Variants in ZBTB17 observed in about 807,000 individuals in gnomAD.
ZBTB17 encodes zinc finger and BTB domain containing 17.
ZBTB17 carries 24 observed loss-of-function variants against 85.1 expected under a neutral mutation model. That is an observed-to-expected ratio of 0.28 (90% confidence interval 0.20 to 0.40). The LOEUF (loss-of-function observed/expected upper bound fraction) is 0.40, where lower values mean the gene tolerates loss of function less well. Among genes scored for constraint, ZBTB17 ranks in the 10% least tolerant of loss-of-function variants. The pLI, the probability that ZBTB17 is intolerant of heterozygous loss-of-function variation, is 1.00. For synonymous variants in ZBTB17, 464 were observed against 460.2 expected (o/e 1.01, Z -0.11); for missense variants, 743 against 1,105.1 (o/e 0.67, Z 4.65).
Position 15,966,722 on chromosome 1 carries a change from C to T in ZBTB17, c.-3+6317G>A, listed in dbSNP as rs530782053. 6.6e-6 allele frequency among the ~76,000 whole-genome samples: 1 copy of T among 152,120 alleles called. No individual in the cohort carries two copies. The highest frequency in any genetic ancestry group is 1.5e-5 in the Non-Finnish European group (1 of 68,030). ...GGATTCTCTGTGCTGGCATTCCACA[C>T]ACACGCAGCAAGGTTCAATGAGCCA... On this transcript the variant is annotated intron_variant, in intron 2 of 15. Coordinates refer to ENST00000375743, the MANE Select transcript of ZBTB17 (RefSeq NM_003443.3). The surrounding 1 kb of genome is among the most constrained non-coding windows in gnomAD (Gnocchi z 4.1).
At chr1:15,960,350 C>A (rs1369711668) in intron 2 of ZBTB17, among the ~76,000 whole-genome samples, 1 of 152,164 alleles carries the variant, frequency 6.6e-6, no homozygotes, top group Non-Finnish European at 1.5e-5. Context: ...ACATATAAAC[C>A]CAAGCCAGCA....
At chr1:15,947,531 G>T (rs1261131051) in intron 3 of ZBTB17, among the ~76,000 whole-genome samples, 2 of 151,994 alleles carry the variant, frequency 1.3e-5, no homozygotes, top group South Asian at 2.1e-4. Flanking sequence ...GAGGACGGGG[G>T]TATAAATGCC....
intron 2 of ZBTB17, among the ~76,000 whole-genome samples, chr1:15,967,479 G>T (rs1004472852): frequency 3.3e-5 from 5 of 151,582 alleles, no homozygotes; most frequent in African/African-American, 7.3e-5. Context: ...AGGAGTTTGG[G>T]ACCAGCCTGG....
At chr1:15,955,644 A>G (rs927954974) in intron 2 of ZBTB17, among the ~76,000 whole-genome samples, 9 of 152,178 alleles carry the variant, frequency 5.9e-5, no homozygotes, top group South Asian at 2.1e-4. Context: ...CAAACTATAC[A>G]ACTACCGCTA....
At chr1:15,968,141 A>G (rs2148811730) in intron 2 of ZBTB17, among the ~76,000 whole-genome samples, 1 of 152,354 alleles carries the variant, frequency 6.6e-6, no homozygotes, top group African/African-American at 2.4e-5. Flanking sequence ...ATACTGGAAC[A>G]AGACAAAAAG....
rs979245856 is a variant in ZBTB17 at position 15,964,081 on chromosome 1, C to T, written c.-3+8958G>A. Reference sequence around the variant, plus strand: ...GCTGCAGTAAGCTGCGATTGTGCCACGGCACTCCAGCCTGGACAACAGCGA... The same window carrying T: ...GCTGCAGTAAGCTGCGATTGTGCCATGGCACTCCAGCCTGGACAACAGCGA... On this transcript the variant is annotated intron_variant, in intron 2 of 15. Coordinates refer to ENST00000375743, the MANE Select transcript of ZBTB17 (RefSeq NM_003443.3). This position sits in a 1 kb window ranked among gnomAD's most constrained non-coding sequence, Gnocchi z 4.3. Among the ~76,000 whole-genome samples, 7 of 149,992 alleles carry T rather than the reference C, an allele frequency of 4.7e-5. No individual in the cohort carries two copies. The highest frequency in any genetic ancestry group is 1.9e-4 in the East Asian group (1 of 5,140).
rs1270338430 is a variant in ZBTB17 at position 15,948,497 on chromosome 1, G to C, written c.-2C>G. The C allele has an allele frequency of 6.2e-7, 1 of 1,612,852 alleles. No homozygotes were observed. The highest frequency in any genetic ancestry group is 1.1e-5 in the South Asian group (1 of 91,052). ...CTGGCTGTGCTGGGGAAAGTCCATG[G>C]CTGAAGAAAGCCAAAGGGCGTTGGG... On this transcript the variant is annotated splice_region_variant and 5_prime_UTR_variant, in exon 3 of 16. Coordinates refer to ENST00000375743, the MANE Select transcript of ZBTB17 (RefSeq NM_003443.3).
chr1:15,955,737 A>G (rs2072023020), intron 2 of ZBTB17, among the ~76,000 whole-genome samples: 1 of 152,194 alleles, frequency 6.6e-6, no homozygotes, highest in African/African-American at 2.4e-5. Flanking sequence ...ATCACTTTAA[A>G]GAGGCCAGAA....
chr1:15,969,633 T>C (rs1208182698), intron 2 of ZBTB17: 4 of 442,390 alleles, frequency 9.0e-6, no homozygotes, highest in Non-Finnish European at 1.4e-5. Flanking sequence ...AGGGAGATGA[T>C]AAATTGACCA....
chr1:15,944,287 G>A lies in ZBTB17; in HGVS notation c.1371+13C>T, dbSNP rs867956834. On this transcript the variant is annotated intron_variant, in intron 9 of 15. Transcript: ENST00000375743. ...CGGCTGCCAGGCGCTGGTTCCGGGAGGGGTCCGCACACCTGGTTGAACTTC... is the reference window on the plus strand; with the variant it reads ...CGGCTGCCAGGCGCTGGTTCCGGGAAGGGTCCGCACACCTGGTTGAACTTC... 1.9e-6 allele frequency: 3 copies of A among 1,550,354 alleles called. No individual in the cohort carries two copies. The highest frequency in any genetic ancestry group is 2.0e-5 in the Admixed American group (1 of 51,022).
chr1:15,956,123 G>T (rs1005819761), intron 2 of ZBTB17, among the ~76,000 whole-genome samples: 1 of 152,150 alleles, frequency 6.6e-6, no homozygotes, highest in African/African-American at 2.4e-5. Context: ...ACAAAATCAC[G>T]ACATCTGGGA....
At chr1:15,943,219 G>C in intron 12 of ZBTB17, 25 bp from the exon 13 acceptor site, 1 of 1,614,066 alleles carries the variant, frequency 6.2e-7, no homozygotes, top group Non-Finnish European at 8.5e-7. Context: ...GAAGGGACTC[G>C]CATGGAACTG....
At chr1:15,958,732 G>A (rs1037718256) in intron 2 of ZBTB17, among the ~76,000 whole-genome samples, 11 of 152,174 alleles carry the variant, frequency 7.2e-5, no homozygotes, top group African/African-American at 2.7e-4. Flanking sequence ...AGCCTGGGAC[G>A]ACGTGACCAC....
In ZBTB17 at chr1:15,945,914, C is replaced by T. The variant is rs9429277; in HGVS notation, c.536-74G>A. 0.064 allele frequency: 99,984 copies of T among 1,564,088 alleles called. 3,755 individuals are homozygous for T. The highest frequency in any genetic ancestry group is 0.14 in the South Asian group (12,076 of 85,954). On this transcript the variant is annotated intron_variant, in intron 5 of 15. Coordinates refer to ENST00000375743, the MANE Select transcript of ZBTB17 (RefSeq NM_003443.3). ...GTCGGATACCTCTCCTGGACCAGCG[C>T]GCTGGTGGTGGCTGCGTGTGACCCA...
At chr1:15,955,343 C>T (rs1208710450) in intron 2 of ZBTB17, among the ~76,000 whole-genome samples, 1 of 152,160 alleles carries the variant, frequency 6.6e-6, no homozygotes, top group African/African-American at 2.4e-5. Context: ...TGGCACTTTC[C>T]TCCTCACCCA....
Position 15,953,548 on chromosome 1 carries a change from A to G in ZBTB17, c.-2-5051T>C, listed in dbSNP as rs1319452621. 1.3e-5 allele frequency among the ~76,000 whole-genome samples: 2 copies of G among 152,250 alleles called. No homozygotes were observed. Among genetic ancestry groups the G allele is most frequent in the Admixed American group, 6.5e-5 (1 of 15,290 alleles). On this transcript the variant is annotated intron_variant, in intron 2 of 15. Coordinates refer to ENST00000375743, the MANE Select transcript of ZBTB17 (RefSeq NM_003443.3). This position sits in a 1 kb window ranked among gnomAD's most constrained non-coding sequence, Gnocchi z 5.1. ...GGCCCCAGAAAGCACAACCCATTGC[A>G]TCTGTCTTGCAGTCCCAAAGCACCA...
chr1:15,957,581 A>G lies in ZBTB17; in HGVS notation c.-2-9084T>C, dbSNP rs527991952. On this transcript the variant is annotated intron_variant, in intron 2 of 15. Coordinates refer to ENST00000375743, the MANE Select transcript of ZBTB17 (RefSeq NM_003443.3). Reference sequence around the variant, plus strand: ...TGGGAGTGACGAAGAGTGACAGAAAAGAGCAGAAGAGTGAGGTTCCTAAAA... The same window carrying G: ...TGGGAGTGACGAAGAGTGACAGAAAGGAGCAGAAGAGTGAGGTTCCTAAAA... Among the ~76,000 whole-genome samples the G allele has an allele frequency of 4.5e-4, 68 of 152,240 alleles. No individual in the cohort carries two copies. In the South Asian group the frequency reaches 0.014, roughly 31 times the overall value.
chr1:15,946,098 C>G (rs751867759), intron 5 of ZBTB17, 56 bp downstream of exon 5: 6 of 1,600,160 alleles, frequency 3.7e-6, no homozygotes, highest in Non-Finnish European at 4.2e-6. Context: ...CTACCCTGTG[C>G]CCAGGCTGCT....
Position 15,942,724 on chromosome 1 carries a change from G to A in ZBTB17, c.1843C>T (p.Leu615=), listed in dbSNP as rs1235639991. The part of the protein sequence containing the change: ...IIIHTGEKPY[L]CDKCGRGFNR... ...AAGCCACGCCCACACTTATCACACAGGTAAGGCTTCTCTCCTGGGGGAGCA... is the reference window on the plus strand; with the variant it reads ...AAGCCACGCCCACACTTATCACACAAGTAAGGCTTCTCTCCTGGGGGAGCA... The change falls in exon 14 of 16, where the codon CTG becomes TTG. Residue 615 remains leucine, a synonymous_variant. Coordinates refer to ENST00000375743, the MANE Select transcript of ZBTB17 (RefSeq NM_003443.3). 1.2e-6 allele frequency: 2 copies of A among 1,613,458 alleles called. No homozygotes were observed. The highest frequency in any genetic ancestry group is 1.7e-6 in the Non-Finnish European group (2 of 1,180,028).
Sources: gnomAD v4.1 joint callset for allele counts (sites outside exome capture counted in the v4.1 genomes callset) on GRCh38, gnomAD v4.1.1 for gene constraint, Gnocchi (gnomAD v3.1) non-coding constraint, MANE v1.5 for transcripts, NCBI Gene and HGNC (gene_info 2026-07-23, HGNC 2026-07-21) for gene names.